DENND5A: variants seen among roughly 807,000 people sequenced by gnomAD.
DENND5A encodes DENN domain-containing protein 5A.
DENND5A carries 64 observed loss-of-function variants against 140.3 expected under a neutral mutation model. The ratio of observed to expected loss-of-function variants is 0.46; its 90% CI spans 0.37 to 0.56. DENND5A has a LOEUF of 0.56. DENND5A is among the 20% of genes least tolerant of loss of function. The pLI, the probability that DENND5A is intolerant of heterozygous loss-of-function variation, is 0.00. For missense variants in DENND5A, 1,292 were observed against 1,593.8 expected (o/e 0.81, Z 3.22); for synonymous variants, 605 against 607.7 (o/e 1.00, Z 0.07).
Position 9,139,639 on chromosome 11 carries a change from T to C in DENND5A, c.*32A>G. The C allele has an allele frequency of 6.2e-7, 1 of 1,603,236 alleles. No homozygotes were observed. The highest frequency in any genetic ancestry group is 1.1e-5 in the South Asian group (1 of 89,432). On this transcript the variant is annotated 3_prime_UTR_variant, in exon 23 of 23. Transcript: ENST00000328194. ...AGGTCAGAGCTGCAGGGTGAGTCTT[T>C]CTCAGTCCTGCTGCTGGCTGGTGCT...
At chr11:9,176,787 C>T in intron 8 of DENND5A, 1 of 407,462 alleles carries the variant, frequency 2.5e-6, no homozygotes, top group Non-Finnish European at 4.9e-6. Flanking sequence ...ATTCATTCAC[C>T]CCTTCTTTCT....
intron 1 of DENND5A, among the ~76,000 whole-genome samples, chr11:9,247,581 TA>T (rs1262730448): frequency 6.6e-6 from 1 of 152,144 alleles, no homozygotes; most frequent in East Asian, 1.9e-4. Flanking sequence ...AAACAAGCTC[TA>T]AAATATTTAA....
At chr11:9,178,074 G>A (rs1227808475) in intron 8 of DENND5A, 58 bp downstream of exon 8, 1 of 1,174,114 alleles carries the variant, frequency 8.5e-7, no homozygotes, top group East Asian at 2.3e-5. Context: ...TTAGGAAAAG[G>A]GACATGTTAA....
chr11:9,165,899 T>C lies in DENND5A; in HGVS notation c.2220A>G (p.Pro740=). The change falls in exon 11 of 23, where the codon CCA becomes CCG. Residue 740 remains proline (P), a synonymous_variant. Transcript: ENST00000328194. ...TCCAATTGGTCTGGGCAATCACTGA[T>C]GGAGAGAGGTTGGACAGTTTGGGCT... ...IRQPKLSNLS[P]SVIAQTNWKF... 4.3e-6 allele frequency: 7 copies of C among 1,614,128 alleles called. No individual in the cohort carries two copies. The highest frequency in any genetic ancestry group is 1.3e-5 in the African/African-American group (1 of 75,058).
intron 1 of DENND5A, among the ~76,000 whole-genome samples, chr11:9,216,770 G>T (rs185997782): frequency 2.6e-5 from 4 of 152,306 alleles, no homozygotes; most frequent in East Asian, 3.9e-4. Context: ...TAGTCTGGAG[G>T]CTGAGGTGGA....
In DENND5A at chr11:9,139,557, T is replaced by G; in HGVS notation, c.*114A>C. 2 of 873,254 alleles carry G rather than the reference T, an allele frequency of 2.3e-6. No individual in the cohort carries two copies. Among genetic ancestry groups the G allele is most frequent in the Non-Finnish European group, 3.4e-6 (2 of 581,228 alleles). The allele number at this position is 873,254 out of a possible 1,614,324, so 54.1% of individuals were successfully genotyped here. On this transcript the variant is annotated 3_prime_UTR_variant, in exon 23 of 23. Transcript: ENST00000328194. ...AAATCCTCTAGTTTTCTTTTTACAG[T>G]GAGTGTACATTTTGTCTCCTACTCC... is the stretch of plus-strand genomic sequence containing the variant.
rs1848174363 is a variant in DENND5A, at chr11:9,165,908, G to A, written c.2211C>T (p.Asn737=). 1 of 1,613,984 alleles carries A rather than the reference G, an allele frequency of 6.2e-7. No individual in the cohort carries two copies. The highest frequency in any genetic ancestry group is 8.5e-7 in the Non-Finnish European group (1 of 1,179,972). The change falls in exon 11 of 23, where the codon AAC becomes AAT. Residue 737 remains asparagine, a synonymous_variant. Transcript: ENST00000328194. ...TCTGGGCAATCACTGATGGAGAGAG[G>A]TTGGACAGTTTGGGCTGGCGGATAG... The part of the protein sequence containing the change: ...GSTIRQPKLS[N]LSPSVIAQTN...
At chr11:9,204,948 TA>T (rs1849646535) in intron 3 of DENND5A, among the ~76,000 whole-genome samples, 1 of 152,032 alleles carries the variant, frequency 6.6e-6, no homozygotes, top group South Asian at 2.1e-4. Flanking sequence ...GACATGGAGA[TA>T]AAAGAAAACT....
rs901512648 is a variant in DENND5A, at chr11:9,179,157, A to AT, written c.1456-85dup. The stretch of plus-strand genomic sequence containing the variant: ...ATGCAATTCCTGATTTTTTTATCTG[A>AT]TTTTTTTTTACAGTGCTAATTTACT... On this transcript the variant is annotated intron_variant, in intron 6 of 22. Transcript: ENST00000328194. The AT allele has an allele frequency of 1.0e-3, 1,248 of 1,250,058 alleles. 2 individuals are homozygous for AT. The highest frequency in any genetic ancestry group is 1.0e-3 in the African/African-American group (69 of 66,138). The allele number at this position is 1,250,058 out of a possible 1,614,324, so 77.4% of individuals were successfully genotyped here.
At chr11:9,253,790 C>G (rs1050815475) in intron 1 of DENND5A, among the ~76,000 whole-genome samples, 1 of 151,822 alleles carries the variant, frequency 6.6e-6, no homozygotes, top group African/African-American at 2.4e-5. Context: ...CACTTGAGCC[C>G]AGGAGGTCAA....
intron 4 of DENND5A, among the ~76,000 whole-genome samples, chr11:9,197,818 T>C (rs994160336): frequency 3.3e-5 from 5 of 152,232 alleles, no homozygotes; most frequent in Non-Finnish European, 7.3e-5. Flanking sequence ...ATCCAGCTAC[T>C]ATATGAAGAA....
intron 1 of DENND5A, among the ~76,000 whole-genome samples, chr11:9,241,975 T>A (rs918453669): frequency 6.8e-6 from 1 of 148,104 alleles, no homozygotes; most frequent in African/African-American, 2.5e-5. Context: ...GATTGCACCA[T>A]TGCGCTCCAG....
intron 1 of DENND5A, among the ~76,000 whole-genome samples, chr11:9,241,842 C>A (rs1851246391): frequency 6.6e-6 from 1 of 151,864 alleles, no homozygotes. Flanking sequence ...TGGAGAAACC[C>A]CATCTCTACT....
intron 1 of DENND5A, among the ~76,000 whole-genome samples, chr11:9,239,875 T>A (rs751224380): frequency 4.6e-5 from 7 of 152,202 alleles, no homozygotes; most frequent in Non-Finnish European, 1.0e-4. Context: ...GTTGTGTCCC[T>A]CTCTTTCAAC....
chr11:9,211,047 G>A (rs536072389), intron 1 of DENND5A, among the ~76,000 whole-genome samples: 1 of 152,246 alleles, frequency 6.6e-6, no homozygotes, highest in East Asian at 1.9e-4. Context: ...CTCAAGTAGG[G>A]AAGAAGGTCA....
intron 10 of DENND5A, 66 bp from the exon 11 acceptor site, chr11:9,166,033 G>T: frequency 6.7e-7 from 1 of 1,483,790 alleles, no homozygotes; most frequent in Non-Finnish European, 9.3e-7. Context: ...CAGCAGTACT[G>T]GTGGGTGCCT....
intron 2 of DENND5A, 80 bp downstream of exon 2, chr11:9,207,481 G>C: frequency 9.2e-7 from 1 of 1,082,304 alleles, no homozygotes; most frequent in Non-Finnish European, 1.4e-6. Flanking sequence ...GAAGGTCAAA[G>C]GTTACAAAAT....
At chr11:9,140,244 T>C (rs1385116034) in intron 22 of DENND5A, 1 of 1,298,174 alleles carries the variant, frequency 7.7e-7, no homozygotes, top group Non-Finnish European at 1.0e-6. Context: ...ATCTTCATGA[T>C]AACCCTGTGA....
At chr11:9,225,854 T>C (rs910756307) in intron 1 of DENND5A, among the ~76,000 whole-genome samples, 1 of 152,104 alleles carries the variant, frequency 6.6e-6, no homozygotes, top group East Asian at 1.9e-4. Flanking sequence ...GGAGGCCAAG[T>C]TGAGTGGATT....
Sources: allele counts gnomAD v4.1 joint callset (sites outside exome capture counted in the v4.1 genomes callset), GRCh38; gene constraint gnomAD v4.1.1; transcripts MANE v1.5; gene names NCBI Gene and HGNC (gene_info 2026-07-23, HGNC 2026-07-21).